BCL2: variants seen among roughly 807,000 people sequenced by gnomAD.
BCL2 encodes the protein apoptosis regulator Bcl-2.
Under a neutral mutation model 14.2 loss-of-function variants are expected in BCL2, and 1 was observed. That is an observed-to-expected ratio of 0.07 (90% CI 0.02 to 0.33). BCL2 has a LOEUF of 0.33. Ranked by LOEUF, BCL2 falls within the 10% of genes least tolerant of loss-of-function variation. The pLI is 0.99. For synonymous variants in BCL2, 151 were observed against 137.2 expected (o/e 1.10, Z -0.70); for missense variants, 247 against 305.9 (o/e 0.81, Z 1.44).
At chr18:63,246,074 G>C (rs563342919) in intron 2 of BCL2, among the ~76,000 whole-genome samples, 1 of 152,076 alleles carries the variant, frequency 6.6e-6, no homozygotes, top group Non-Finnish European at 1.5e-5. Flanking sequence ...GTTCACACTG[G>C]GTTCACCAGC....
At chr18:63,266,875 G>C (rs779729056) in intron 2 of BCL2, among the ~76,000 whole-genome samples, 3 of 152,190 alleles carry the variant, frequency 2.0e-5, no homozygotes, top group Non-Finnish European at 4.4e-5. Flanking sequence ...CTTTAGGTCA[G>C]TGCCTGGCAC....
intron 2 of BCL2, among the ~76,000 whole-genome samples, chr18:63,175,776 G>A (rs1219441783): frequency 5.9e-5 from 9 of 152,168 alleles, no homozygotes; most frequent in Non-Finnish European, 7.3e-5. Context: ...AAGCTATTGG[G>A]ACTACTCAGG....
chr18:63,238,516 G>C (rs1462654924), intron 2 of BCL2, among the ~76,000 whole-genome samples: 1 of 152,210 alleles, frequency 6.6e-6, no homozygotes, highest in Non-Finnish European at 1.5e-5. Flanking sequence ...TTGTTTGCTG[G>C]TTATTGCCAC....
intron 2 of BCL2, among the ~76,000 whole-genome samples, chr18:63,176,081 T>G (rs1915342013): frequency 6.6e-6 from 1 of 152,210 alleles, no homozygotes; most frequent in Non-Finnish European, 1.5e-5. Flanking sequence ...GTTGCCTGCT[T>G]CCCTAGACGA....
chr18:63,144,745 C>A (rs897229318), intron 2 of BCL2, among the ~76,000 whole-genome samples: 2 of 152,204 alleles, frequency 1.3e-5, no homozygotes, highest in Admixed American at 6.5e-5. Context: ...TTTGGGGCCA[C>A]CCTGGTGGGT....
At chr18:63,257,777 ATTTG>A (rs1465245490) in intron 2 of BCL2, among the ~76,000 whole-genome samples, 1 of 152,228 alleles carries the variant, frequency 6.6e-6, no homozygotes, top group African/African-American at 2.4e-5. Flanking sequence ...GTTTCCAAGA[ATTTG>A]TTTGAGAAAT....
At chr18:63,230,479 T>C (rs1195031529) in intron 2 of BCL2, among the ~76,000 whole-genome samples, 1 of 151,852 alleles carries the variant, frequency 6.6e-6, no homozygotes, top group Non-Finnish European at 1.5e-5. Context: ...AAGGCAATAA[T>C]AAAGACAACA....
At chr18:63,237,262 G>T (rs1036829048) in intron 2 of BCL2, among the ~76,000 whole-genome samples, 2 of 152,076 alleles carry the variant, frequency 1.3e-5, no homozygotes, top group Non-Finnish European at 2.9e-5. Flanking sequence ...GGGGGGAGGT[G>T]GGCGTGGCCT....
At chr18:63,281,398 C>A (rs1912304201) in intron 2 of BCL2, among the ~76,000 whole-genome samples, 1 of 152,100 alleles carries the variant, frequency 6.6e-6, no homozygotes, top group South Asian at 2.1e-4. Flanking sequence ...AGCGTGATGG[C>A]TCACACCTGT....
chr18:63,214,102 C>A (rs543680495), intron 2 of BCL2, among the ~76,000 whole-genome samples: 1 of 152,180 alleles, frequency 6.6e-6, no homozygotes, highest in East Asian at 1.9e-4. Context: ...GGCTGTGATG[C>A]CCAAGCCTTT....
chr18:63,261,935 A>G (rs1285563849), intron 2 of BCL2, among the ~76,000 whole-genome samples: 4 of 152,092 alleles, frequency 2.6e-5, no homozygotes, highest in Non-Finnish European at 5.9e-5. Context: ...TCCTGCCACC[A>G]TGCCCAGTTA....
chr18:63,272,391 T>C (rs955731946), intron 2 of BCL2, among the ~76,000 whole-genome samples: 1 of 152,264 alleles, frequency 6.6e-6, no homozygotes, highest in African/African-American at 2.4e-5. Flanking sequence ...TATTCTCGTG[T>C]CTTTTATTGT....
intron 2 of BCL2, among the ~76,000 whole-genome samples, chr18:63,182,494 G>A (rs1364218920): frequency 1.3e-5 from 2 of 152,226 alleles, no homozygotes; most frequent in East Asian, 3.8e-4. Context: ...TCCTTGGCTG[G>A]CCTCTGCAGA....
intron 2 of BCL2, among the ~76,000 whole-genome samples, chr18:63,215,290 A>G (rs1910168951): frequency 6.6e-6 from 1 of 152,206 alleles, no homozygotes; most frequent in South Asian, 2.1e-4. Context: ...CAATCTAAAA[A>G]TCTATTCTTT....
chr18:63,194,236 G>C (rs1909377440), intron 2 of BCL2, among the ~76,000 whole-genome samples: 1 of 152,206 alleles, frequency 6.6e-6, no homozygotes, highest in Admixed American at 6.5e-5. Context: ...GAATGAATGG[G>C]AAGTTACACT....
At chr18:63,165,329 C>T (rs1039784450) in intron 2 of BCL2, among the ~76,000 whole-genome samples, 5 of 152,154 alleles carry the variant, frequency 3.3e-5, no homozygotes, top group Non-Finnish European at 7.3e-5. Flanking sequence ...CTCTGTTGGT[C>T]TCTGTCCCTC....
At chr18:63,234,110 G>T (rs1461043765) in intron 2 of BCL2, among the ~76,000 whole-genome samples, 1 of 151,788 alleles carries the variant, frequency 6.6e-6, no homozygotes, top group African/African-American at 2.4e-5. Flanking sequence ...TAAGCACTGG[G>T]ATACATTTGT....
At chr18:63,272,415 A>T (rs1186318672) in intron 2 of BCL2, among the ~76,000 whole-genome samples, 1 of 152,228 alleles carries the variant, frequency 6.6e-6, no homozygotes, top group African/African-American at 2.4e-5. Flanking sequence ...ACCTACATAG[A>T]GCATTTTAAA....
chr18:63,152,923 C>T (rs536033086), intron 2 of BCL2, among the ~76,000 whole-genome samples: 5 of 152,336 alleles, frequency 3.3e-5, no homozygotes, highest in South Asian at 2.1e-4. Context: ...AGATTTCTGA[C>T]GGCGTCCAAC....
Sources: gnomAD v4.1 joint callset for allele counts (sites outside exome capture counted in the v4.1 genomes callset) on GRCh38, gnomAD v4.1.1 for gene constraint, MANE v1.5 for transcripts, NCBI Gene and HGNC (gene_info 2026-07-23, HGNC 2026-07-21) for gene names.